Variants in PIAS1 observed in about 807,000 individuals in gnomAD.
The protein encoded by PIAS1 is E3 SUMO-protein ligase PIAS1.
PIAS1 carries 6 observed loss-of-function variants against 71.3 expected under a neutral mutation model. That is an observed-to-expected ratio of 0.08 (90% CI 0.05 to 0.17). The LOEUF is 0.17. Ranked by LOEUF, PIAS1 falls within the 10% of genes least tolerant of loss-of-function variation. PIAS1 has a pLI of 1.00. For missense variants in PIAS1, 555 were observed against 793.6 expected (o/e 0.70, Z 3.61); for synonymous variants, 303 against 292.9 (o/e 1.03, Z -0.35).
intron 6 of PIAS1, 49 bp downstream of exon 6, chr15:68,146,749 T>G: frequency 6.1e-5 from 81 of 1,336,034 alleles, no homozygotes; most frequent in Non-Finnish European, 7.8e-5. Flanking sequence ...AAGGAGGGGT[T>G]AATCACCATG....
chr15:68,148,231 C>T (rs972857977), intron 6 of PIAS1, among the ~76,000 whole-genome samples: 21 of 152,196 alleles, frequency 1.4e-4, no homozygotes, highest in African/African-American at 4.8e-4. Context: ...GAGTTGCAAT[C>T]AGGTGAAAGG....
intron 1 of PIAS1, among the ~76,000 whole-genome samples, chr15:68,081,585 G>T (rs2092229467): frequency 6.6e-6 from 1 of 151,852 alleles, no homozygotes; most frequent in African/African-American, 2.4e-5. Flanking sequence ...AAATGTAGAG[G>T]AAAAAGAAAA....
chr15:68,072,514 T>C (rs975463243), intron 1 of PIAS1, among the ~76,000 whole-genome samples: 1 of 150,574 alleles, frequency 6.6e-6, no homozygotes, highest in African/African-American at 2.4e-5. Flanking sequence ...TTGAATGCTA[T>C]AAAGGAAAGG....
rs1249509054 is a variant in PIAS1, at chr15:68,192,802, GA to G, written c.*4969del. The G allele has an allele frequency of 6.6e-6, 1 of 152,250 alleles. No homozygotes were observed. The highest frequency in any genetic ancestry group is 2.4e-5 in the African/African-American group (1 of 41,442). 9.4% of individuals were successfully genotyped at this position (152,250 alleles called of 1,614,324 possible). A position where few individuals can be genotyped will look rare whatever the true frequency, so the allele number is the denominator to read the frequency against. ...CTACTAGACAAAGCCACAGCCCAGA[GA>G]ACCCACTTTTGATACATACATGGAT... is the stretch of plus-strand genomic sequence containing the variant. On this transcript the variant is annotated 3_prime_UTR_variant, in exon 14 of 14. Coordinates refer to ENST00000249636, the MANE Select transcript of PIAS1 (RefSeq NM_016166.3).
At chr15:68,056,244 A>T (rs12592199) in intron 1 of PIAS1, among the ~76,000 whole-genome samples, 151,424 of 152,370 alleles carry the variant, frequency 0.99, 75,253 homozygotes, top group Middle Eastern at 1. Context: ...GCTGAAAAGC[A>T]TGTGCAGACT....
At chr15:68,184,326 A>G (rs537908714) in intron 13 of PIAS1, 4 of 152,352 alleles carry the variant, frequency 2.6e-5, no homozygotes, top group African/African-American at 7.2e-5. Flanking sequence ...GAACAAAGTG[A>G]TAGAAGCTGT....
intron 1 of PIAS1, chr15:68,057,353 G>A (rs2091907330): frequency 1.3e-5 from 4 of 305,768 alleles, no homozygotes; most frequent in Non-Finnish European, 2.5e-5. Flanking sequence ...GGGTGTGATG[G>A]CCAGATGATC....
chr15:68,088,176 G>GTATATATATGTATATATATA (rs2092301189), intron 2 of PIAS1, among the ~76,000 whole-genome samples: 2 of 73,008 alleles, frequency 2.7e-5, no homozygotes. Flanking sequence ...TTATGTGTGT[G>GTATATATATGTATATATATA]TATATATATA....
chr15:68,058,855 A>G (rs1164323240), intron 1 of PIAS1, among the ~76,000 whole-genome samples: 1 of 152,170 alleles, frequency 6.6e-6, no homozygotes, highest in Non-Finnish European at 1.5e-5. Flanking sequence ...ATGTATATGT[A>G]TATTCATCAT....
intron 1 of PIAS1, among the ~76,000 whole-genome samples, chr15:68,085,836 T>C (rs2092276308): frequency 1.3e-5 from 2 of 152,246 alleles, no homozygotes; most frequent in Non-Finnish European, 2.9e-5. Context: ...ATAATAGCTA[T>C]TGATATCCTG....
intron 7 of PIAS1, among the ~76,000 whole-genome samples, chr15:68,164,303 A>C (rs2092942879): frequency 6.6e-6 from 1 of 152,154 alleles, no homozygotes. Context: ...AGCTTTCAAA[A>C]ATGTATAAAT....
chr15:68,138,575 A>C (rs2092749578), intron 2 of PIAS1, among the ~76,000 whole-genome samples: 1 of 152,144 alleles, frequency 6.6e-6, no homozygotes, highest in South Asian at 2.1e-4. Context: ...CCCAGGTTCA[A>C]ACTATTCTCC....
chr15:68,075,074 C>CTTTTTTT (rs2092143810), intron 1 of PIAS1, among the ~76,000 whole-genome samples: 1 of 84,218 alleles, frequency 1.2e-5, no homozygotes, highest in African/African-American at 4.7e-5. Flanking sequence ...TTCTTTCTTT[C>CTTTTTTT]TTTCTTTTTT....
chr15:68,066,495 C>T (rs1247790144), intron 1 of PIAS1, among the ~76,000 whole-genome samples: 4 of 152,176 alleles, frequency 2.6e-5, no homozygotes, highest in Admixed American at 6.5e-5. Context: ...ACTTCCTCTC[C>T]AGCAGAGCTT....
rs1327420205 is a variant in PIAS1 at position 68,190,880 on chromosome 15, C to T, written c.*3045C>T. ...TGTATCTTTACTGAGGAAAGATTCA[C>T]GTAAGCTCTGAAAAATCGGATTCTT... is the stretch of plus-strand genomic sequence containing the variant. On this transcript the variant is annotated 3_prime_UTR_variant, in exon 14 of 14. Coordinates refer to ENST00000249636, the MANE Select transcript of PIAS1 (RefSeq NM_016166.3). This position sits in a 1 kb window ranked among gnomAD's most constrained non-coding sequence, Gnocchi z 4.7. 4 of 152,216 alleles carry T rather than the reference C, an allele frequency of 2.6e-5. No homozygotes were observed. The highest frequency in any genetic ancestry group is 1.3e-4 in the Admixed American group (2 of 15,280). The allele number at this position is 152,216 out of a possible 1,614,324, so 9.4% of individuals were successfully genotyped here. A position where few individuals can be genotyped will look rare whatever the true frequency, so the allele number is the denominator to read the frequency against.
rs936977351 is a variant in PIAS1 at position 68,190,703 on chromosome 15, A to G, written c.*2868A>G. 7 of 152,032 alleles carry G rather than the reference A, an allele frequency of 4.6e-5. No individual in the cohort carries two copies. Among genetic ancestry groups the G allele is most frequent in the African/African-American group, 1.7e-4 (7 of 41,384 alleles). The allele number at this position is 152,032 out of a possible 1,614,324, so 9.4% of individuals were successfully genotyped here. ...ACATCTTTGATAAAATAGCTATTTGACTAGCAGGGTTAAAGTGGCTTTTAA... is the reference window on the plus strand; with the variant it reads ...ACATCTTTGATAAAATAGCTATTTGGCTAGCAGGGTTAAAGTGGCTTTTAA... On this transcript the variant is annotated 3_prime_UTR_variant, in exon 14 of 14. Transcript: ENST00000249636. This position sits in a 1 kb window ranked among gnomAD's most constrained non-coding sequence, Gnocchi z 4.7.
chr15:68,098,541 T>A (rs1278569644), intron 2 of PIAS1, among the ~76,000 whole-genome samples: 2 of 152,174 alleles, frequency 1.3e-5, no homozygotes, highest in African/African-American at 4.8e-5. Flanking sequence ...TTTTTGATTG[T>A]TTTTAAATTT....
intron 1 of PIAS1, among the ~76,000 whole-genome samples, chr15:68,057,197 T>G (rs1433482744): frequency 6.6e-6 from 1 of 152,224 alleles, no homozygotes; most frequent in South Asian, 2.1e-4. Flanking sequence ...CAATAAAAAT[T>G]AGATTGTGAG....
chr15:68,142,142 T>G, intron 3 of PIAS1, 112 bp downstream of exon 3: 1 of 949,430 alleles, frequency 1.1e-6, no homozygotes, highest in Non-Finnish European at 1.7e-6. Context: ...ATGCAAATAT[T>G]AGTAATGAAA....
Sources: allele counts gnomAD v4.1 joint callset (sites outside exome capture counted in the v4.1 genomes callset), GRCh38; gene constraint gnomAD v4.1.1; non-coding constraint Gnocchi (gnomAD v3.1); transcripts MANE v1.5; gene names NCBI Gene and HGNC (gene_info 2026-07-23, HGNC 2026-07-21).